Variants in GDI2 observed in about 807,000 individuals in gnomAD.
The protein encoded by GDI2 is rab GDP dissociation inhibitor beta.
In GDI2, 22 loss-of-function variants were observed where a neutral mutation model predicts 54.2. The observed-to-expected ratio is 0.41, with a 90% CI of 0.29 to 0.58. GDI2 has a LOEUF of 0.58. GDI2 is among the 20% of genes least tolerant of loss of function. GDI2 has a pLI of 0.35. For synonymous variants in GDI2, 177 were observed against 182.1 expected (o/e 0.97, Z 0.23); for missense variants, 422 against 546.0 (o/e 0.77, Z 2.26).
chr10:5,807,704 G>A (rs558858778), intron 1 of GDI2, among the ~76,000 whole-genome samples: 60 of 152,320 alleles, frequency 3.9e-4, no homozygotes, highest in African/African-American at 1.4e-3. Flanking sequence ...GCTAGTACGT[G>A]TAGATATGTG....
At chr10:5,793,332 C>A (rs1384879477) in intron 4 of GDI2, among the ~76,000 whole-genome samples, 1 of 152,154 alleles carries the variant, frequency 6.6e-6, no homozygotes, top group African/African-American at 2.4e-5. Context: ...CAAACTCCTA[C>A]TTCTATGAAG....
rs33959817 is a variant in GDI2 at position 5,774,135 on chromosome 10, C to CA, written c.720-195dup. On this transcript the variant is annotated intron_variant, in intron 6 of 10. Transcript: ENST00000380191. This position sits in a 1 kb window ranked among gnomAD's most constrained non-coding sequence, Gnocchi z 4.8. Reference sequence around the variant, plus strand: ...ACATAATCAGTTATAAATACGAAGTCAAAAAAAATCACTAACCAGGCACTT... The same window carrying CA: ...ACATAATCAGTTATAAATACGAAGTCAAAAAAAAATCACTAACCAGGCACTT... Among the ~76,000 whole-genome samples the CA allele has an allele frequency of 0.34, 51,109 of 151,702 alleles. 8,987 individuals are homozygous for CA. Among genetic ancestry groups the CA allele is most frequent in the Non-Finnish European group, 0.38 (26,040 of 67,894 alleles).
At position 5,813,288 on chromosome 10, in the gene GDI2, G is replaced by A; in HGVS notation, c.-30C>T. On this transcript the variant is annotated 5_prime_UTR_variant, in exon 1 of 11. Transcript: ENST00000380191. ...GGGCAGGCGCGGACGCAGGACCCGA[G>A]CAAGGAAAAGGCGCAGGGGCTCCGT... The A allele has an allele frequency of 1.3e-6, 2 of 1,552,124 alleles. No homozygotes were observed. The highest frequency in any genetic ancestry group is 1.7e-6 in the Non-Finnish European group (2 of 1,144,560).
chr10:5,792,580 G>A (rs1180200962), intron 4 of GDI2, among the ~76,000 whole-genome samples: 1 of 151,592 alleles, frequency 6.6e-6, no homozygotes, highest in African/African-American at 2.4e-5. Context: ...TAGTGATTTG[G>A]TCAAAATGCA....
intron 6 of GDI2, among the ~76,000 whole-genome samples, chr10:5,781,643 A>C (rs977008137): frequency 1.4e-5 from 2 of 147,404 alleles, no homozygotes; most frequent in African/African-American, 2.5e-5. Flanking sequence ...AAAAAAAAAA[A>C]GACTTCTAAA....
In GDI2 at chr10:5,776,272, C is replaced by T. The variant is rs1248716790; in HGVS notation, c.720-2331G>A. ...TCATCCAAGACAGGTGGAAAAGGGCCCAGCGTGAAAAGACTGAAAGCCCAG... is the reference window on the plus strand; with the variant it reads ...TCATCCAAGACAGGTGGAAAAGGGCTCAGCGTGAAAAGACTGAAAGCCCAG... On this transcript the variant is annotated intron_variant, in intron 6 of 10. Transcript: ENST00000380191. This position sits in a 1 kb window ranked among gnomAD's most constrained non-coding sequence, Gnocchi z 5.3. 9.7e-6 allele frequency: 5 copies of T among 515,114 alleles called. No individual in the cohort carries two copies. The highest frequency in any genetic ancestry group is 1.9e-5 in the African/African-American group (1 of 51,306). 31.9% of individuals were successfully genotyped at this position (515,114 alleles called of 1,614,324 possible). A position where few individuals can be genotyped will look rare whatever the true frequency, so the allele number is the denominator to read the frequency against.
intron 4 of GDI2, among the ~76,000 whole-genome samples, chr10:5,793,023 C>T (rs1282974662): frequency 2.0e-5 from 3 of 151,828 alleles, no homozygotes; most frequent in African/African-American, 7.3e-5. Context: ...GAGACAGGGT[C>T]CCCCTCTGTC....
In GDI2 at chr10:5,807,275, T is replaced by C. The variant is rs74850246; in HGVS notation, c.45+5939A>G. On this transcript the variant is annotated intron_variant, in intron 1 of 10. Transcript: ENST00000380191. ...TAAAATTTTAATATTTTTCCAAAAT[T>C]ACCAGCTCAAAATTAAATTCTACTA... Among the ~76,000 whole-genome samples the C allele has an allele frequency of 6.0e-3, 907 of 152,326 alleles. 13 individuals are homozygous for C. Among genetic ancestry groups the C allele is most frequent in the Middle Eastern group, 0.041 (12 of 294 alleles).
chr10:5,804,298 T>C (rs1425922656), intron 1 of GDI2, among the ~76,000 whole-genome samples: 2 of 152,148 alleles, frequency 1.3e-5, no homozygotes, highest in Admixed American at 1.3e-4. Context: ...TTCACCGTGT[T>C]GGCCAGGTTG....
chr10:5,782,337 G>A (rs1350061586), intron 6 of GDI2, among the ~76,000 whole-genome samples: 1 of 152,212 alleles, frequency 6.6e-6, no homozygotes, highest in Admixed American at 6.5e-5. Context: ...TGACAAGGAT[G>A]TGGAGCAACG....
chr10:5,806,072 T>C (rs1301074954), intron 1 of GDI2, among the ~76,000 whole-genome samples: 3 of 152,326 alleles, frequency 2.0e-5, no homozygotes, highest in East Asian at 3.8e-4. Context: ...AAGAAGAGTA[T>C]AAATACATTC....
At chr10:5,801,848 T>TA (rs1841276149) in intron 1 of GDI2, among the ~76,000 whole-genome samples, 1 of 151,648 alleles carries the variant, frequency 6.6e-6, no homozygotes, top group Admixed American at 6.6e-5. Flanking sequence ...CTGTCTCTAC[T>TA]AAATACACAA....
rs373522629 is a variant in GDI2, at chr10:5,786,816, T to C, written c.389-766A>G. 1.4e-4 allele frequency among the ~76,000 whole-genome samples: 21 copies of C among 152,312 alleles called. No homozygotes were observed. In the East Asian group the frequency reaches 3.9e-3, roughly 28 times the overall value. ...GGCACTTAATGATAACAGCTTAAGA[T>C]AACAAGAACAAATTGACCTCGATAA... On this transcript the variant is annotated intron_variant, in intron 4 of 10. Coordinates refer to ENST00000380191, the MANE Select transcript of GDI2 (RefSeq NM_001494.4).
intron 6 of GDI2, among the ~76,000 whole-genome samples, chr10:5,782,165 T>C (rs1840771873): frequency 6.6e-6 from 1 of 152,210 alleles, no homozygotes. Context: ...TTTAGAAATG[T>C]GCAAAAGACT....
chr10:5,778,295 A>G lies in GDI2; in HGVS notation c.720-4354T>C, dbSNP rs1291524548. Among the ~76,000 whole-genome samples the G allele has an allele frequency of 6.6e-5, 10 of 152,364 alleles. No individual in the cohort carries two copies. The South Asian group carries it at 1.0e-3, about 16-fold the overall frequency. On this transcript the variant is annotated intron_variant, in intron 6 of 10. Transcript: ENST00000380191. ...AAAGTATAATTTAAAAAAAAGTATA[A>G]AAGTATGTTATGCATAATTAATCTA...
chr10:5,812,634 G>A (rs147943707), intron 1 of GDI2, among the ~76,000 whole-genome samples: 1 of 152,182 alleles, frequency 6.6e-6, no homozygotes, highest in African/African-American at 2.4e-5. Context: ...CTCATTAGCA[G>A]GGGGGAGAAA....
chr10:5,799,688 CCAAATA>C (rs1325242785), intron 2 of GDI2, among the ~76,000 whole-genome samples: 3 of 152,212 alleles, frequency 2.0e-5, no homozygotes, highest in African/African-American at 2.4e-5. Flanking sequence ...GAAAATTATA[CCAAATA>C]CAAACAGCTA....
chr10:5,807,072 A>T (rs1841394106), intron 1 of GDI2, among the ~76,000 whole-genome samples: 1 of 152,216 alleles, frequency 6.6e-6, no homozygotes. Flanking sequence ...TAAAGCTAAT[A>T]AAAAATCTGC....
rs914416310 is a variant in GDI2 at position 5,766,846 on chromosome 10, T to G, written c.992-208A>C. Among the ~76,000 whole-genome samples, 6 of 152,196 alleles carry G rather than the reference T, an allele frequency of 3.9e-5. No homozygotes were observed. Among genetic ancestry groups the G allele is most frequent in the African/African-American group, 1.4e-4 (6 of 41,442 alleles). Reference sequence around the variant, plus strand: ...GAATTTCTTTTAACCTACTAGAGATTAAGAATTGAAGTGGTAGCGAACTGC... The same window carrying G: ...GAATTTCTTTTAACCTACTAGAGATGAAGAATTGAAGTGGTAGCGAACTGC... On this transcript the variant is annotated intron_variant, in intron 8 of 10. Coordinates refer to ENST00000380191, the MANE Select transcript of GDI2 (RefSeq NM_001494.4). The surrounding 1 kb of genome is among the most constrained non-coding windows in gnomAD (Gnocchi z 5.8).
Sources: gnomAD v4.1 joint callset for allele counts (sites outside exome capture counted in the v4.1 genomes callset) on GRCh38, gnomAD v4.1.1 for gene constraint, Gnocchi (gnomAD v3.1) non-coding constraint, MANE v1.5 for transcripts, NCBI Gene and HGNC (gene_info 2026-07-23, HGNC 2026-07-21) for gene names.